SNAP91: variants seen among roughly 807,000 people sequenced by gnomAD.
The protein encoded by SNAP91 is synaptosome associated protein 91, also known as clathrin coat assembly protein AP180.
A neutral mutation model predicts 100.3 loss-of-function variants in SNAP91; 27 were observed. The observed-to-expected ratio is 0.27, with a 90% CI of 0.20 to 0.37. The LOEUF (loss-of-function observed/expected upper bound fraction) is 0.37. Among genes scored for constraint, SNAP91 ranks in the 10% least tolerant of loss-of-function variants. The pLI, the probability that SNAP91 is intolerant of heterozygous loss-of-function variation, is 1.00. For synonymous variants in SNAP91, 404 were observed against 398.6 expected (o/e 1.01, Z -0.16); for missense variants, 986 against 1,123.7 (o/e 0.88, Z 1.75).
chr6:83,649,353 T>C (rs1283101021), intron 7 of SNAP91, among the ~76,000 whole-genome samples: 1 of 152,202 alleles, frequency 6.6e-6, no homozygotes, highest in Non-Finnish European at 1.5e-5. Context: ...CAGTTTCTTG[T>C]TGTATGGAAC....
intron 5 of SNAP91, among the ~76,000 whole-genome samples, chr6:83,659,590 A>G (rs1463012870): frequency 6.6e-6 from 1 of 151,874 alleles, no homozygotes; most frequent in Non-Finnish European, 1.5e-5. Flanking sequence ...ACACCCGGTT[A>G]ATTTTTAAAA....
At chr6:83,670,220 T>C (rs1438637288) in intron 2 of SNAP91, among the ~76,000 whole-genome samples, 2 of 150,228 alleles carry the variant, frequency 1.3e-5, no homozygotes, top group Non-Finnish European at 1.5e-5. Context: ...TTGCTCTACA[T>C]CTCTGCTAAG....
At chr6:83,664,005 C>T (rs994001612) in intron 3 of SNAP91, among the ~76,000 whole-genome samples, 1 of 152,034 alleles carries the variant, frequency 6.6e-6, no homozygotes, top group African/African-American at 2.4e-5. Flanking sequence ...TGCCTGTGCT[C>T]TATAAATGGA....
At chr6:83,666,984 A>G (rs932757657) in intron 2 of SNAP91, among the ~76,000 whole-genome samples, 4 of 152,146 alleles carry the variant, frequency 2.6e-5, no homozygotes, top group African/African-American at 9.7e-5. Flanking sequence ...TTCACATACA[A>G]CACTTTGCAG....
chr6:83,601,741 AAAAT>A (rs1196532640), intron 14 of SNAP91, 142 bp from the exon 15 acceptor site: 1 of 763,338 alleles, frequency 1.3e-6, no homozygotes, highest in East Asian at 2.5e-5. Flanking sequence ...TTGCAATTAA[AAAAT>A]AAATGTACTA....
intron 16 of SNAP91, among the ~76,000 whole-genome samples, chr6:83,598,242 G>A (rs1019705692): frequency 2.0e-5 from 3 of 152,050 alleles, no homozygotes; most frequent in Admixed American, 6.5e-5. Flanking sequence ...GCGTAACACT[G>A]CCCTTGCAAT....
chr6:83,699,657 C>T lies in SNAP91; in HGVS notation c.130+8141G>A, dbSNP rs756543131. ...AGCTGAGAATTTTCCAGACTTGATG[C>T]GAGACATACATTCTCAGATTTAAAA... On this transcript the variant is annotated intron_variant, in intron 2 of 29. Transcript: ENST00000369694. Among the ~76,000 whole-genome samples the T allele has an allele frequency of 1.1e-4, 16 of 151,954 alleles. 1 individual carries two copies. The highest frequency in any genetic ancestry group is 2.9e-5 in the Non-Finnish European group (2 of 67,984).
intron 26 of SNAP91, among the ~76,000 whole-genome samples, chr6:83,568,669 G>A (rs1406219953): frequency 1.3e-5 from 2 of 152,144 alleles, no homozygotes; most frequent in Non-Finnish European, 2.9e-5. Flanking sequence ...GATCTGAAAA[G>A]TGTTATAGCT....
At chr6:83,692,382 G>A (rs1041340737) in intron 2 of SNAP91, among the ~76,000 whole-genome samples, 3 of 152,092 alleles carry the variant, frequency 2.0e-5, no homozygotes, top group Admixed American at 1.3e-4. Flanking sequence ...AGGCGTGGTA[G>A]AGCGCACCTG....
intron 2 of SNAP91, among the ~76,000 whole-genome samples, chr6:83,706,912 CT>C (rs2099389676): frequency 6.6e-6 from 1 of 152,202 alleles, no homozygotes; most frequent in Non-Finnish European, 1.5e-5. Context: ...AGGTGAAAGC[CT>C]TTTTCTTTTC....
intron 8 of SNAP91, among the ~76,000 whole-genome samples, chr6:83,635,366 CT>C (rs1249063921): frequency 3.3e-5 from 5 of 152,128 alleles, no homozygotes; most frequent in East Asian, 1.9e-4. Flanking sequence ...TTTTTCCCCC[CT>C]AATCTCTCAT....
chr6:83,695,774 A>T (rs2099199765), intron 2 of SNAP91, among the ~76,000 whole-genome samples: 1 of 152,194 alleles, frequency 6.6e-6, no homozygotes, highest in Non-Finnish European at 1.5e-5. Context: ...GATTAGTAAA[A>T]TCTACAATAG....
intron 1 of SNAP91, chr6:83,708,222 ACATAGGGCCAGACT>A: frequency 2.6e-6 from 1 of 379,560 alleles, no homozygotes; most frequent in Non-Finnish European, 4.7e-6. Context: ...CCCGGCCCCC[ACATAGGGCCAGACT>A]CACCCCCTGG....
intron 28 of SNAP91, among the ~76,000 whole-genome samples, chr6:83,556,525 T>C (rs1475340545): frequency 3.3e-5 from 5 of 152,216 alleles, no homozygotes; most frequent in African/African-American, 1.2e-4. Context: ...TAAAATATAC[T>C]TCAACTGATA....
chr6:83,613,039 T>TA (rs1174698691), intron 11 of SNAP91, among the ~76,000 whole-genome samples: 2 of 152,108 alleles, frequency 1.3e-5, no homozygotes, highest in African/African-American at 2.4e-5. Context: ...CTACCTGCTA[T>TA]AAAAAAGAGT....
intron 4 of SNAP91, among the ~76,000 whole-genome samples, chr6:83,662,049 T>C (rs1438861509): frequency 2.6e-5 from 4 of 152,112 alleles, no homozygotes; most frequent in Admixed American, 6.6e-5. Context: ...CTTTTTTTAA[T>C]TGAGAAGACA....
At chr6:83,665,676 G>A in intron 2 of SNAP91, 95 bp from the exon 3 acceptor site, 1 of 1,051,990 alleles carries the variant, frequency 9.5e-7, no homozygotes. Context: ...ACTAATATAT[G>A]ACCTTAAAAG....
intron 27 of SNAP91, 116 bp downstream of exon 27, chr6:83,560,743 TTTAAG>T: frequency 1.2e-6 from 1 of 827,374 alleles, no homozygotes; most frequent in Admixed American, 2.1e-5. Flanking sequence ...ATGACAACTT[TTTAAG>T]TTTTACTTAC....
At chr6:83,622,229 A>AC (rs2096758140) in intron 9 of SNAP91, among the ~76,000 whole-genome samples, 6 of 152,098 alleles carry the variant, frequency 3.9e-5, no homozygotes, top group African/African-American at 1.2e-4. Flanking sequence ...CAATGCCATC[A>AC]TGTTCTGGAT....
Sources: allele counts gnomAD v4.1 joint callset (sites outside exome capture counted in the v4.1 genomes callset), GRCh38; gene constraint gnomAD v4.1.1; transcripts MANE v1.5; gene names NCBI Gene and HGNC (gene_info 2026-07-23, HGNC 2026-07-21).